LINGO2: variants seen among roughly 807,000 people sequenced by gnomAD.
The protein encoded by LINGO2 is leucine-rich repeat and immunoglobulin-like domain-containing nogo receptor-interacting protein 2.
In LINGO2, 14 loss-of-function variants were observed where a neutral mutation model predicts 30.6. That is an observed-to-expected ratio of 0.46 (90% confidence interval 0.30 to 0.72). The LOEUF is 0.72. LINGO2 is among the 30% of genes least tolerant of loss of function. LINGO2 has a pLI of 0.07. For missense variants in LINGO2, 729 were observed against 751.7 expected (o/e 0.97, Z 0.35); for synonymous variants, 317 against 288.5 (o/e 1.10, Z -1.00).
At chr9:28,334,370 T>G (rs1289340293) in intron 3 of LINGO2, among the ~76,000 whole-genome samples, 1 of 152,174 alleles carries the variant, frequency 6.6e-6, no homozygotes, top group African/African-American at 2.4e-5. Context: ...CCAATTATTA[T>G]GTCTATTTTT....
intron 2 of LINGO2, among the ~76,000 whole-genome samples, chr9:28,396,495 GAGATCAAGACC>G (rs1249760903): frequency 6.6e-6 from 1 of 151,952 alleles, no homozygotes; most frequent in Admixed American, 6.5e-5. Flanking sequence ...ACAGGGTCAG[GAGATCAAGACC>G]ATCCAGGCTA....
At chr9:29,100,264 G>T in the LINGO2 span, among the ~76,000 whole-genome samples, 2 of 152,176 alleles carry the variant, frequency 1.3e-5, no homozygotes, top group African/African-American at 2.4e-5. Context: ...ACTACACGGG[G>T]GAGGGGAAGC....
chr9:28,733,825 T>A, the LINGO2 span, among the ~76,000 whole-genome samples: 523 of 152,190 alleles, frequency 3.4e-3, 3 homozygotes, highest in African/African-American at 0.012. Context: ...TCCATTCACA[T>A]ATCTATTCTT....
At chr9:28,051,356 A>T (rs1824664148) in intron 4 of LINGO2, among the ~76,000 whole-genome samples, 1 of 152,132 alleles carries the variant, frequency 6.6e-6, no homozygotes, top group African/African-American at 2.4e-5. Flanking sequence ...ACAGCATTTT[A>T]CATTCTTAAC....
At chr9:28,851,674 G>C in the LINGO2 span, among the ~76,000 whole-genome samples, 1 of 151,798 alleles carries the variant, frequency 6.6e-6, no homozygotes, top group Non-Finnish European at 1.5e-5. Flanking sequence ...TAATACAGTA[G>C]CCATTATTTA....
At chr9:28,043,845 CAAT>C (rs945151627) in intron 4 of LINGO2, among the ~76,000 whole-genome samples, 6 of 152,254 alleles carry the variant, frequency 3.9e-5, no homozygotes, top group Admixed American at 6.5e-5. Context: ...ACAAAACAAA[CAAT>C]AATTCCCTAT....
intron 5 of LINGO2, among the ~76,000 whole-genome samples, chr9:28,004,092 A>G (rs1822129377): frequency 6.6e-6 from 1 of 152,184 alleles, no homozygotes; most frequent in Non-Finnish European, 1.5e-5. Flanking sequence ...TGAGAATTAT[A>G]ATTTGTACGA....
chr9:28,856,010 G>A, the LINGO2 span, among the ~76,000 whole-genome samples: 1 of 151,954 alleles, frequency 6.6e-6, no homozygotes, highest in African/African-American at 2.4e-5. Flanking sequence ...TGGGAGGCAG[G>A]AATTCATAAG....
At chr9:27,993,289 A>G (rs1821489744) in intron 5 of LINGO2, among the ~76,000 whole-genome samples, 1 of 152,096 alleles carries the variant, frequency 6.6e-6, no homozygotes, top group South Asian at 2.1e-4. Context: ...AATATTTTGA[A>G]CTTGGATTGT....
At chr9:29,021,681 A>G in the LINGO2 span, among the ~76,000 whole-genome samples, 4,212 of 93,688 alleles carry the variant, frequency 0.045, 224 homozygotes, top group East Asian at 0.074. Context: ...GAAAGAAAAG[A>G]AAGGAAGGAA....
the LINGO2 span, among the ~76,000 whole-genome samples, chr9:29,084,591 A>T: frequency 2.6e-5 from 4 of 152,024 alleles, no homozygotes; most frequent in South Asian, 8.3e-4. Context: ...CCTATGACAT[A>T]TTCCAATGAA....
the LINGO2 span, among the ~76,000 whole-genome samples, chr9:28,737,174 T>C: frequency 6.6e-6 from 1 of 152,256 alleles, no homozygotes; most frequent in African/African-American, 2.4e-5. Context: ...GAAAAGGTCA[T>C]AAACAGACAG....
intron 4 of LINGO2, among the ~76,000 whole-genome samples, chr9:28,271,004 TA>T (rs1309386839): frequency 1.3e-5 from 2 of 151,976 alleles, no homozygotes; most frequent in African/African-American, 4.8e-5. Flanking sequence ...TAAAGGAAAA[TA>T]GTAATATAGG....
At chr9:28,281,367 A>AT in intron 4 of LINGO2, among the ~76,000 whole-genome samples, 1 of 152,166 alleles carries the variant, frequency 6.6e-6, no homozygotes, top group African/African-American at 2.4e-5. Context: ...GTTGCATATC[A>AT]TTTTCTTTTA....
chr9:28,551,114 T>C (rs1030795082), intron 1 of LINGO2, among the ~76,000 whole-genome samples: 2 of 151,906 alleles, frequency 1.3e-5, no homozygotes, highest in Non-Finnish European at 2.9e-5. Flanking sequence ...GAGTAGCCTC[T>C]CTTCCAAATA....
chr9:29,025,782 C>T, the LINGO2 span, among the ~76,000 whole-genome samples: 1 of 152,218 alleles, frequency 6.6e-6, no homozygotes, highest in Non-Finnish European at 1.5e-5. Flanking sequence ...AATTTGGTAT[C>T]CTTTGATCAA....
chr9:29,207,028 T>C, the LINGO2 span, among the ~76,000 whole-genome samples: 3 of 151,928 alleles, frequency 2.0e-5, no homozygotes, highest in Non-Finnish European at 4.4e-5. Flanking sequence ...TGTGTGTGTG[T>C]GTGTATGTGT....
chr9:28,046,612 T>C (rs1178976347), intron 4 of LINGO2, among the ~76,000 whole-genome samples: 1 of 152,212 alleles, frequency 6.6e-6, no homozygotes, highest in African/African-American at 2.4e-5. Context: ...TTCTTAAAGA[T>C]TTTACTGTCT....
chr9:28,200,122 T>A (rs1820175864), intron 4 of LINGO2, among the ~76,000 whole-genome samples: 1 of 152,160 alleles, frequency 6.6e-6, no homozygotes, highest in Admixed American at 6.5e-5. Context: ...AAAGGAGCTC[T>A]GTGTTCACAA....
Sources: gnomAD v4.1 joint callset for allele counts (sites outside exome capture counted in the v4.1 genomes callset) on GRCh38, gnomAD v4.1.1 for gene constraint, MANE v1.5 for transcripts, NCBI Gene and HGNC (gene_info 2026-07-23, HGNC 2026-07-21) for gene names.